GNG7: variants seen among roughly 807,000 people sequenced by gnomAD.
GNG7 encodes the protein guanine nucleotide-binding protein G(I)/G(S)/G(O) subunit gamma-7.
Under a neutral mutation model 4.0 loss-of-function variants are expected in GNG7, and 1 was observed. The ratio of observed to expected loss-of-function variants is 0.25; its 90% CI spans 0.09 to 1.18. The LOEUF is 1.18. GNG7 is among the 50% of genes most tolerant of loss of function. GNG7 has a pLI of 0.50. For missense variants in GNG7, 86 were observed against 91.9 expected, an observed-to-expected ratio of 0.94 and a Z score of 0.26; for synonymous variants, 34 against 36.9, an observed-to-expected ratio of 0.92 and a Z score of 0.29.
intron 2 of GNG7, among the ~76,000 whole-genome samples, chr19:2,567,117 A>T (rs1228532460): frequency 1.8e-4 from 8 of 44,294 alleles, no homozygotes; most frequent in African/African-American, 9.4e-4. Flanking sequence ...GTCTCAAAAA[A>T]AAAAACAAAA....
At chr19:2,603,102 T>C (rs1981264543) in intron 2 of GNG7, among the ~76,000 whole-genome samples, 1 of 151,840 alleles carries the variant, frequency 6.6e-6, no homozygotes, top group African/African-American at 2.4e-5. Flanking sequence ...GTTTCGCTCT[T>C]GTTGCCCAGG....
chr19:2,566,878 G>A (rs996361698), intron 2 of GNG7, among the ~76,000 whole-genome samples: 4 of 152,060 alleles, frequency 2.6e-5, no homozygotes, highest in Admixed American at 2.6e-4. Flanking sequence ...CGAGGCAGGC[G>A]GATCATCTGA....
rs972442629 is a variant in GNG7, at chr19:2,622,665, C to A, written c.-78+23559G>T. On this transcript the variant is annotated intron_variant, in intron 2 of 4. Transcript: ENST00000382159. ...GGCTTCCGGGAAGGGGAACCCAACG[C>A]GAGCAACGCGGCAGATAGGGGGCTT... 2.7e-4 allele frequency among the ~76,000 whole-genome samples: 38 copies of A among 140,220 alleles called. 1 individual carries two copies. Among genetic ancestry groups the A allele is most frequent in the African/African-American group, 1.0e-3 (37 of 35,510 alleles). The allele number at this position is 140,220 out of a possible 152,430, so 92.0% of individuals were successfully genotyped here.
chr19:2,681,559 T>G (rs1983736893), intron 1 of GNG7, among the ~76,000 whole-genome samples: 1 of 152,066 alleles, frequency 6.6e-6, no homozygotes, highest in African/African-American at 2.4e-5. Flanking sequence ...ATTAGCCACA[T>G]CACCGGGCCA....
intron 2 of GNG7, among the ~76,000 whole-genome samples, chr19:2,594,141 C>CG (rs1244033421): frequency 2.0e-5 from 3 of 152,030 alleles, no homozygotes; most frequent in Non-Finnish European, 4.4e-5. Flanking sequence ...GAGGCCAAGA[C>CG]GGGCGGATCA....
intron 3 of GNG7, among the ~76,000 whole-genome samples, chr19:2,550,650 G>A (rs977590380): frequency 6.6e-6 from 1 of 152,126 alleles, no homozygotes; most frequent in Non-Finnish European, 1.5e-5. Context: ...CAGCCTGAGG[G>A]ACCACCAGCT....
At chr19:2,607,664 T>C (rs968996187) in intron 2 of GNG7, among the ~76,000 whole-genome samples, 27 of 149,814 alleles carry the variant, frequency 1.8e-4, no homozygotes, top group African/African-American at 6.7e-4. Context: ...TAACAACACA[T>C]AAAACCCACT....
At chr19:2,697,801 G>A (rs1010461067) in intron 1 of GNG7, among the ~76,000 whole-genome samples, 5 of 148,306 alleles carry the variant, frequency 3.4e-5, no homozygotes, top group Admixed American at 6.7e-5. Flanking sequence ...CCCCCCGCCC[G>A]TCTCTACTAA....
intron 2 of GNG7, among the ~76,000 whole-genome samples, chr19:2,641,024 T>A (rs912881016): frequency 1.3e-5 from 2 of 152,074 alleles, no homozygotes; most frequent in Admixed American, 1.3e-4. Flanking sequence ...GTCTATGAAA[T>A]GAAGGGGAGG....
At position 2,702,657 on chromosome 19, in the gene GNG7, C is replaced by A. The variant is rs950107371; in HGVS notation, c.-146G>T. 6.6e-6 allele frequency: 1 copy of A among 151,336 alleles called. No individual in the cohort carries two copies. Among genetic ancestry groups the A allele is most frequent in the African/African-American group, 2.4e-5 (1 of 41,306 alleles). The allele number at this position is 151,336 out of a possible 1,614,324, so 9.4% of individuals were successfully genotyped here. A position where few individuals can be genotyped will look rare whatever the true frequency, so the allele number is the denominator to read the frequency against. ...GCGGGCGCCCTTACCTGCGCTCGGG[C>A]CCCGCGGCCGCCTCAGCCCCGCCGC... On this transcript the variant is annotated 5_prime_UTR_variant, in exon 1 of 5. Transcript: ENST00000382159.
chr19:2,657,400 A>ATATATATATG (rs1983025541), intron 1 of GNG7, among the ~76,000 whole-genome samples: 3 of 91,698 alleles, frequency 3.3e-5, no homozygotes, highest in Non-Finnish European at 6.6e-5. Context: ...ATATATATAT[A>ATATATATATG]CACATAATAA....
intron 2 of GNG7, chr19:2,630,881 C>G (rs1982142399): frequency 6.6e-6 from 1 of 152,044 alleles, no homozygotes; most frequent in Non-Finnish European, 1.5e-5. Flanking sequence ...CTAATACACT[C>G]TTTATGTGCT....
intron 2 of GNG7, among the ~76,000 whole-genome samples, chr19:2,589,936 C>T (rs998445792): frequency 2.6e-5 from 4 of 152,150 alleles, no homozygotes; most frequent in African/African-American, 7.2e-5. Flanking sequence ...CTCAGCCTCC[C>T]GAGTAGCTTG....
At chr19:2,660,281 A>T (rs1463176118) in intron 1 of GNG7, among the ~76,000 whole-genome samples, 2 of 152,180 alleles carry the variant, frequency 1.3e-5, no homozygotes, top group Admixed American at 1.3e-4. Context: ...GCTCTGTGTA[A>T]TTCTCCCTGA....
chr19:2,624,999 G>A (rs1349912525), intron 2 of GNG7, among the ~76,000 whole-genome samples: 3 of 152,224 alleles, frequency 2.0e-5, no homozygotes, highest in Non-Finnish European at 4.4e-5. Context: ...AGGGGTGGAC[G>A]CCTGTGGTTT....
intron 1 of GNG7, among the ~76,000 whole-genome samples, chr19:2,657,361 A>AAAAATATATATAT (rs1555701153): frequency 6.1e-5 from 1 of 16,330 alleles, no homozygotes; most frequent in Admixed American, 1.0e-3. Context: ...AAAAAAAAAA[A>AAAAATATATATAT]ATATATATAT....
rs775764771 is a variant in GNG7 at position 2,557,783 on chromosome 19, G to A, written c.-77-2595C>T. The stretch of plus-strand genomic sequence containing the variant: ...GACCCTGCCCCAGGCCATGGTCCTT[G>A]ACCAGGGAACCACAGCTCCTTATTC... On this transcript the variant is annotated intron_variant, in intron 2 of 4. Transcript: ENST00000382159. The surrounding 1 kb of genome is among the most constrained non-coding windows in gnomAD (Gnocchi z 5.1). Among the ~76,000 whole-genome samples the A allele has an allele frequency of 7.6e-4, 116 of 152,282 alleles. No individual in the cohort carries two copies. Among genetic ancestry groups the A allele is most frequent in the Non-Finnish European group, 1.3e-3 (88 of 68,022 alleles).
At chr19:2,676,248 G>A (rs1983590445) in intron 1 of GNG7, among the ~76,000 whole-genome samples, 1 of 152,178 alleles carries the variant, frequency 6.6e-6, no homozygotes, top group African/African-American at 2.4e-5. Context: ...CATTTCTGTG[G>A]TTTTGAGCCA....
chr19:2,680,434 G>A (rs1329771810), intron 1 of GNG7, among the ~76,000 whole-genome samples: 1 of 152,038 alleles, frequency 6.6e-6, no homozygotes, highest in Non-Finnish European at 1.5e-5. Context: ...ACAGGCATGA[G>A]CCACCTTGCC....
Sources: gnomAD v4.1 joint callset for allele counts (sites outside exome capture counted in the v4.1 genomes callset) on GRCh38, gnomAD v4.1.1 for gene constraint, Gnocchi (gnomAD v3.1) non-coding constraint, MANE v1.5 for transcripts, NCBI Gene and HGNC (gene_info 2026-07-23, HGNC 2026-07-21) for gene names.